The following MSR1 variants were observed in gnomAD, a reference collection of about 807,000 sequenced individuals.
The protein encoded by MSR1 is macrophage scavenger receptor types I and II.
In MSR1, 53 loss-of-function variants were observed where a neutral mutation model predicts 47.2. The observed-to-expected ratio is 1.12, with a 90% CI of 0.90 to 1.41. MSR1 has a LOEUF of 1.41. Among genes scored for constraint, MSR1 ranks in the 40% most tolerant of loss-of-function variants. MSR1 has a pLI of 0.00. For missense variants in MSR1, 786 were observed against 546.9 expected, an observed-to-expected ratio of 1.44 and a Z score of -4.36; for synonymous variants, 239 against 185.6, an observed-to-expected ratio of 1.29 and a Z score of -2.34.
intron 2 of MSR1, 27 bp from the exon 3 acceptor site, chr8:16,175,327 C>T (rs1294594207): frequency 2.6e-6 from 4 of 1,558,158 alleles, no homozygotes; most frequent in African/African-American, 2.7e-5. Context: ...GCCCAGCCTA[C>T]TGTTAGAAAG....
intron 8 of MSR1, among the ~76,000 whole-genome samples, chr8:16,128,271 C>T (rs1048351197): frequency 1.3e-5 from 2 of 152,042 alleles, no homozygotes; most frequent in Non-Finnish European, 2.9e-5. Flanking sequence ...CTCCAATATT[C>T]GTATGCTGAA....
At chr8:16,119,870 CTTTTTT>C (rs35520763) in intron 9 of MSR1, among the ~76,000 whole-genome samples, 4 of 95,680 alleles carry the variant, frequency 4.2e-5, no homozygotes, top group South Asian at 4.0e-4. Context: ...TCACGCCTGG[CTTTTTT>C]TTTTTTTTTT....
In MSR1 at chr8:16,157,426, C is replaced by G. The variant is rs187814813; in HGVS notation, c.818-2282G>C. ...GTATTTTTATATAAAAATACTGATA[C>G]CTGGTATTCGAATCCTACAATAAGA... is the stretch of plus-strand genomic sequence containing the variant. On this transcript the variant is annotated intron_variant, in intron 5 of 9. Coordinates refer to ENST00000262101, the MANE Select transcript of MSR1 (RefSeq NM_138715.3). Among the ~76,000 whole-genome samples, 531 of 151,770 alleles carry G rather than the reference C, an allele frequency of 3.5e-3. 6 individuals are homozygous for G. Among genetic ancestry groups the G allele is most frequent in the Admixed American group, 9.3e-3 (141 of 15,202 alleles).
At chr8:16,161,578 G>A (rs147759453) in intron 5 of MSR1, among the ~76,000 whole-genome samples, 266 of 151,740 alleles carry the variant, frequency 1.8e-3, no homozygotes, top group African/African-American at 6.2e-3. Context: ...CCAAGAAATC[G>A]GTATCTACCT....
intron 5 of MSR1, among the ~76,000 whole-genome samples, chr8:16,161,336 G>C (rs1801157858): frequency 6.6e-6 from 1 of 151,938 alleles, no homozygotes; most frequent in Non-Finnish European, 1.5e-5. Flanking sequence ...ATTTGGGGAG[G>C]CAGATGCGGG....
In MSR1 at chr8:16,120,418, C is replaced by T; in HGVS notation, c.1222G>A (p.Gly408Ser). The change falls in exon 9 of 10, where the codon GGT becomes AGT. Residue 408 changes from glycine (G) to serine (S), a missense_variant and splice_region_variant. Physicochemically the swap from Gly to Ser is moderately conservative, Grantham distance 56. Transcript: ENST00000262101. ...AVHKAAHFGQ[G>S]TGPIWLNEVF... is the part of the protein sequence containing the mutation. ...CCTCACAAGATTTTCTTTAAATTAC[C>T]TTGTCCAAAGTGAGCTGCCTTGTGC... 6.2e-7 allele frequency: 1 copy of T among 1,613,608 alleles called. No individual in the cohort carries two copies. The highest frequency in any genetic ancestry group is 8.5e-7 in the Non-Finnish European group (1 of 1,179,782).
intron 1 of MSR1, among the ~76,000 whole-genome samples, chr8:16,181,142 A>T (rs1801818792): frequency 6.6e-6 from 1 of 152,160 alleles, no homozygotes; most frequent in Admixed American, 6.6e-5. Context: ...AACTGACATG[A>T]CAATAAAACT....
At chr8:16,168,971 A>T (rs760925354) in intron 3 of MSR1, 101 bp from the exon 4 acceptor site, 1 of 1,225,740 alleles carries the variant, frequency 8.2e-7, no homozygotes, top group East Asian at 2.3e-5. Context: ...ATTCCATTCC[A>T]TTCCAACATT....
chr8:16,182,252 G>C (rs1801854240), intron 1 of MSR1, among the ~76,000 whole-genome samples: 1 of 152,144 alleles, frequency 6.6e-6, no homozygotes, highest in Non-Finnish European at 1.5e-5. Flanking sequence ...CACCTGTACA[G>C]GGCAATTGGA....
chr8:16,189,460 ATATATATTTTATATATTT>A (rs1802113494), intron 1 of MSR1, among the ~76,000 whole-genome samples: 5 of 22,668 alleles, frequency 2.2e-4, no homozygotes, highest in Non-Finnish European at 2.6e-4. Flanking sequence ...ATCTTATTTT[ATATATATTTTATATATTT>A]TATATATAAA....
chr8:16,189,302 A>T (rs1802098244), intron 1 of MSR1, among the ~76,000 whole-genome samples: 2 of 93,326 alleles, frequency 2.1e-5, no homozygotes, highest in South Asian at 5.9e-4. Context: ...TTTACATTTC[A>T]TATATATATA....
Position 16,121,095 on chromosome 8 carries a change from C to A in MSR1, c.1034-489G>T, listed in dbSNP as rs925637293. 34 of 396,906 alleles carry A rather than the reference C, an allele frequency of 8.6e-5. 1 individual carries two copies. Among genetic ancestry groups the A allele is most frequent in the African/African-American group, 5.7e-4 (27 of 47,078 alleles). The allele number at this position is 396,906 out of a possible 1,614,324, so 24.6% of individuals were successfully genotyped here. ...AAAAATAGGTGATCAAACTTCATAT[C>A]TTTTCCCAAGGGAAACAAGGGAACT... On this transcript the variant is annotated intron_variant, in intron 8 of 9. Coordinates refer to ENST00000262101, the MANE Select transcript of MSR1 (RefSeq NM_138715.3).
intron 3 of MSR1, among the ~76,000 whole-genome samples, chr8:16,170,372 T>A (rs1018477846): frequency 1.3e-5 from 2 of 151,620 alleles, no homozygotes; most frequent in African/African-American, 2.4e-5. Context: ...AAAACATGAA[T>A]AATTATAGAG....
At chr8:16,128,104 G>A (rs1049837603) in intron 8 of MSR1, among the ~76,000 whole-genome samples, 1 of 152,082 alleles carries the variant, frequency 6.6e-6, no homozygotes, top group African/African-American at 2.4e-5. Flanking sequence ...TTTACTTATG[G>A]TGCAATTTAG....
chr8:16,156,815 T>C (rs750571717), intron 5 of MSR1, among the ~76,000 whole-genome samples: 25 of 151,914 alleles, frequency 1.6e-4, no homozygotes, highest in Admixed American at 3.3e-4. Context: ...GACATATATT[T>C]AAATGCTGCA....
intron 1 of MSR1, among the ~76,000 whole-genome samples, chr8:16,190,903 T>C (rs924868694): frequency 1.6e-4 from 24 of 151,998 alleles, no homozygotes; most frequent in South Asian, 1.0e-3. Context: ...GTATTTTCAG[T>C]AGAGACAGGG....
intron 3 of MSR1, among the ~76,000 whole-genome samples, chr8:16,174,643 AAAATGTGGTCATAT>A (rs1801586976): frequency 6.6e-6 from 1 of 152,186 alleles, no homozygotes; most frequent in Admixed American, 6.5e-5. Flanking sequence ...ATCCCTATGA[AAAATGTGGTCATAT>A]AAGCTGGATT....
At chr8:16,189,010 A>G (rs1585203997) in intron 1 of MSR1, among the ~76,000 whole-genome samples, 2 of 146,606 alleles carry the variant, frequency 1.4e-5, no homozygotes, top group African/African-American at 4.9e-5. Context: ...AACAACATAT[A>G]TATATGTGTT....
intron 1 of MSR1, among the ~76,000 whole-genome samples, chr8:16,178,217 A>C (rs1366726316): frequency 3.3e-5 from 5 of 151,828 alleles, no homozygotes; most frequent in African/African-American, 1.2e-4. Context: ...CTCGTCATCT[A>C]ACACTAGGTA....
Sources: allele counts gnomAD v4.1 joint callset (sites outside exome capture counted in the v4.1 genomes callset), GRCh38; gene constraint gnomAD v4.1.1; transcripts MANE v1.5; gene names NCBI Gene and HGNC (gene_info 2026-07-23, HGNC 2026-07-21).